MFHAS1: variants seen among roughly 807,000 people sequenced by gnomAD.
MFHAS1 encodes malignant fibrous histiocytoma-amplified sequence 1.
In MFHAS1, 50 loss-of-function variants were observed where a neutral mutation model predicts 70.4. The observed-to-expected ratio is 0.71, with a 90% CI of 0.57 to 0.90. The LOEUF is 0.90. Ranked by LOEUF, MFHAS1 falls within the 40% of genes least tolerant of loss-of-function variation. MFHAS1 has a pLI of 0.00. For synonymous variants in MFHAS1, 952 were observed against 620.0 expected (o/e 1.54, Z -7.96); for missense variants, 1,795 against 1,347.6 (o/e 1.33, Z -5.20).
chr8:8,827,477 C>A (rs533812937), intron 1 of MFHAS1, among the ~76,000 whole-genome samples: 2 of 152,308 alleles, frequency 1.3e-5, no homozygotes, highest in Non-Finnish European at 1.5e-5. Context: ...AACAATGAGA[C>A]CTCTTTATTT....
At chr8:8,887,952 T>C (rs938832284) in intron 1 of MFHAS1, among the ~76,000 whole-genome samples, 1 of 152,200 alleles carries the variant, frequency 6.6e-6, no homozygotes, top group Non-Finnish European at 1.5e-5. Flanking sequence ...GTCTCTCCTT[T>C]TGTTGTTAAT....
At chr8:8,828,575 A>G (rs1290526241) in intron 1 of MFHAS1, among the ~76,000 whole-genome samples, 2 of 152,188 alleles carry the variant, frequency 1.3e-5, no homozygotes, top group East Asian at 3.8e-4. Flanking sequence ...TTCAGACACG[A>G]CCAGTTAAGG....
At chr8:8,865,948 G>T (rs946661380) in intron 1 of MFHAS1, among the ~76,000 whole-genome samples, 2 of 152,198 alleles carry the variant, frequency 1.3e-5, no homozygotes, top group Non-Finnish European at 2.9e-5. Flanking sequence ...TGTTCAGGCG[G>T]CTTGGCCTAC....
intron 1 of MFHAS1, among the ~76,000 whole-genome samples, chr8:8,814,540 A>G (rs1007924143): frequency 6.6e-6 from 1 of 152,240 alleles, no homozygotes; most frequent in Non-Finnish European, 1.5e-5. Context: ...TTTAAATGGT[A>G]AGCCTGTCAT....
At chr8:8,794,246 G>A (rs1347650458) in intron 2 of MFHAS1, among the ~76,000 whole-genome samples, 1 of 152,114 alleles carries the variant, frequency 6.6e-6, no homozygotes, top group African/African-American at 2.4e-5. Flanking sequence ...TACCTCGGCT[G>A]GAGTTGAAAG....
At chr8:8,810,831 C>A (rs1216445097) in intron 1 of MFHAS1, among the ~76,000 whole-genome samples, 1 of 152,148 alleles carries the variant, frequency 6.6e-6, no homozygotes, top group Non-Finnish European at 1.5e-5. Context: ...GTACTTGCTT[C>A]TTGTCTCCTA....
intron 1 of MFHAS1, among the ~76,000 whole-genome samples, chr8:8,829,545 G>A (rs930750514): frequency 2.0e-5 from 3 of 152,110 alleles, no homozygotes; most frequent in East Asian, 1.9e-4. Context: ...GCCAAGCAAG[G>A]TGGCAGGCAC....
Position 8,825,829 on chromosome 8 carries a change from G to C in MFHAS1, c.2999-28338C>G, listed in dbSNP as rs146602666. Among the ~76,000 whole-genome samples the C allele has an allele frequency of 1.5e-3, 228 of 152,286 alleles. 1 individual carries two copies. Among genetic ancestry groups the C allele is most frequent in the African/African-American group, 5.2e-3 (215 of 41,548 alleles). On this transcript the variant is annotated intron_variant, in intron 1 of 2. Transcript: ENST00000276282. ...TAAGTAAGAACCTGTTTAAAATCCTGGATGTCTTTTCTTGCTAAAGGAGCT... is the reference window on the plus strand; with the variant it reads ...TAAGTAAGAACCTGTTTAAAATCCTCGATGTCTTTTCTTGCTAAAGGAGCT...
At chr8:8,807,673 C>G (rs1806377577) in intron 1 of MFHAS1, among the ~76,000 whole-genome samples, 1 of 152,194 alleles carries the variant, frequency 6.6e-6, no homozygotes, top group South Asian at 2.1e-4. Flanking sequence ...TTAAAAACCT[C>G]ACCATCCACA....
At chr8:8,787,143 C>T (rs982467305) in intron 2 of MFHAS1, among the ~76,000 whole-genome samples, 3 of 151,314 alleles carry the variant, frequency 2.0e-5, no homozygotes, top group Admixed American at 6.6e-5. Flanking sequence ...TGCAGTGGCG[C>T]AATCTCGGCT....
chr8:8,833,556 G>C (rs556553068), intron 1 of MFHAS1, among the ~76,000 whole-genome samples: 24 of 152,224 alleles, frequency 1.6e-4, no homozygotes, highest in African/African-American at 5.1e-4. Flanking sequence ...TTGAAACCAG[G>C]AGTTCAAGGC....
intron 1 of MFHAS1, among the ~76,000 whole-genome samples, chr8:8,858,711 T>C (rs1427232555): frequency 1.3e-5 from 2 of 152,052 alleles, no homozygotes; most frequent in African/African-American, 4.8e-5. Flanking sequence ...AGTCCTGAAG[T>C]TGGCCCTCGG....
chr8:8,893,067 C>T lies in MFHAS1; in HGVS notation c.-9G>A, dbSNP rs1411611501. On this transcript the variant is annotated 5_prime_UTR_variant, in exon 1 of 3. Transcript: ENST00000276282. Reference sequence around the variant, plus strand: ...CTGTCCATCCCAGCCATGGCGGGGCCCCGGGCCGACAGCCTCACGCGGACG... The same window carrying T: ...CTGTCCATCCCAGCCATGGCGGGGCTCCGGGCCGACAGCCTCACGCGGACG... 3.4e-6 allele frequency: 5 copies of T among 1,475,454 alleles called. No individual in the cohort carries two copies. In the Admixed American group the frequency reaches 1.0e-4, roughly 30 times the overall value. 91.4% of individuals were successfully genotyped at this position (1,475,454 alleles called of 1,614,324 possible). A position where few individuals can be genotyped will look rare whatever the true frequency, so the allele number is the denominator to read the frequency against.
chr8:8,835,531 A>C (rs1807567109), intron 1 of MFHAS1, among the ~76,000 whole-genome samples: 1 of 152,210 alleles, frequency 6.6e-6, no homozygotes, highest in Non-Finnish European at 1.5e-5. Flanking sequence ...ATGTTTCTAC[A>C]AGGAAATGAA....
intron 1 of MFHAS1, among the ~76,000 whole-genome samples, chr8:8,857,246 G>A (rs541261934): frequency 1.1e-3 from 174 of 152,278 alleles, no homozygotes; most frequent in African/African-American, 3.5e-3. Context: ...CTATTGTTTA[G>A]TTACTAAACT....
chr8:8,833,709 G>C (rs1312076219), intron 1 of MFHAS1, among the ~76,000 whole-genome samples: 2 of 152,134 alleles, frequency 1.3e-5, no homozygotes, highest in East Asian at 3.9e-4. Context: ...TCTAATCTTA[G>C]AGCAATGACA....
intron 1 of MFHAS1, among the ~76,000 whole-genome samples, chr8:8,882,227 A>AC (rs537413250): frequency 1.2e-3 from 187 of 152,070 alleles, no homozygotes; most frequent in African/African-American, 4.3e-3. Flanking sequence ...ACTAAAAAAA[A>AC]ACACACACAA....
chr8:8,853,839 C>A (rs1401478702), intron 1 of MFHAS1, among the ~76,000 whole-genome samples: 1 of 152,144 alleles, frequency 6.6e-6, no homozygotes, highest in African/African-American at 2.4e-5. Flanking sequence ...GTACTAGGAG[C>A]CACCACCCCT....
At chr8:8,879,087 G>A (rs940297875) in intron 1 of MFHAS1, among the ~76,000 whole-genome samples, 1 of 152,046 alleles carries the variant, frequency 6.6e-6, no homozygotes, top group African/African-American at 2.4e-5. Context: ...GGTGACTCAC[G>A]CCTGTAATCC....
Sources: allele counts gnomAD v4.1 joint callset (sites outside exome capture counted in the v4.1 genomes callset), GRCh38; gene constraint gnomAD v4.1.1; transcripts MANE v1.5; gene names NCBI Gene and HGNC (gene_info 2026-07-23, HGNC 2026-07-21).